The following MYL9 variants were observed in gnomAD, a reference collection of about 807,000 sequenced individuals.
MYL9 encodes myosin light chain 9.
Under a neutral mutation model 12.8 loss-of-function variants are expected in MYL9, and 7 were observed. That is an observed-to-expected ratio of 0.55 (90% CI 0.31 to 1.03). The LOEUF (loss-of-function observed/expected upper bound fraction) is 1.03. MYL9 is among the 50% of genes least tolerant of loss of function. The pLI, the probability that MYL9 is intolerant of heterozygous loss-of-function variation, is 0.05. For synonymous variants in MYL9, 81 were observed against 87.8 expected (o/e 0.92, Z 0.43); for missense variants, 190 against 242.7 (o/e 0.78, Z 1.44).
chr20:36,541,895 G>A (rs1295443462), intron 1 of MYL9, among the ~76,000 whole-genome samples: 1 of 152,156 alleles, frequency 6.6e-6, no homozygotes, highest in Non-Finnish European at 1.5e-5. Flanking sequence ...GGGGGGGGCT[G>A]GGGAGCCCGG....
intron 3 of MYL9, among the ~76,000 whole-genome samples, chr20:36,548,674 C>T (rs1264522545): frequency 1.3e-5 from 2 of 152,168 alleles, no homozygotes; most frequent in Admixed American, 6.5e-5. Flanking sequence ...AACAGGCACA[C>T]GGAGGTTAAG....
In MYL9 at chr20:36,546,570, G is replaced by T. The variant is rs6026734; in HGVS notation, c.185-1462G>T. ...CGCTTCTGGCCAGGCTCGCTTGAAG[G>T]CTCCCTCCCCCAGGAGGTCACCTGG... On this transcript the variant is annotated intron_variant, in intron 2 of 3. Transcript: ENST00000279022. 7.2e-3 allele frequency among the ~76,000 whole-genome samples: 1,094 copies of T among 152,104 alleles called. 14 individuals are homozygous for T. Among genetic ancestry groups the T allele is most frequent in the African/African-American group, 0.025 (1,029 of 41,490 alleles).
At chr20:36,546,421 TTCCTGTGAAATGGG>T (rs2038100788) in intron 2 of MYL9, among the ~76,000 whole-genome samples, 1 of 152,142 alleles carries the variant, frequency 6.6e-6, no homozygotes, top group Non-Finnish European at 1.5e-5. Flanking sequence ...CACTTTCCTC[TTCCTGTGAAATGGG>T]GCCATGACCC....
At chr20:36,546,494 T>G (rs1406308162) in intron 2 of MYL9, among the ~76,000 whole-genome samples, 2 of 152,018 alleles carry the variant, frequency 1.3e-5, no homozygotes, top group African/African-American at 4.8e-5. Context: ...CAAACCTGAG[T>G]GGGAGAACTG....
intron 2 of MYL9, among the ~76,000 whole-genome samples, chr20:36,545,988 C>T (rs1295039186): frequency 2.0e-5 from 3 of 152,220 alleles, no homozygotes; most frequent in Non-Finnish European, 4.4e-5. Flanking sequence ...CTGCCCACTG[C>T]ACAGATGGGG....
At chr20:36,546,800 G>C (rs2038106012) in intron 2 of MYL9, among the ~76,000 whole-genome samples, 2 of 152,296 alleles carry the variant, frequency 1.3e-5, no homozygotes, top group Admixed American at 1.3e-4. Context: ...AGTAGAGACA[G>C]GGTTTCGCCA....
intron 3 of MYL9, 48 bp downstream of exon 3, chr20:36,548,241 CCAGG>C: frequency 6.4e-7 from 1 of 1,553,264 alleles, no homozygotes; most frequent in Non-Finnish European, 8.7e-7. Flanking sequence ...GGAACAGGGC[CCAGG>C]CATTCAGTGC....
chr20:36,546,518 C>T (rs1236984302), intron 2 of MYL9, among the ~76,000 whole-genome samples: 21 of 152,182 alleles, frequency 1.4e-4, no homozygotes, highest in Non-Finnish European at 2.9e-5. Context: ...GCACGCTGCC[C>T]CCGGCCCTGA....
intron 2 of MYL9, among the ~76,000 whole-genome samples, chr20:36,546,511 C>CG (rs1428403846): frequency 2.0e-5 from 3 of 152,192 alleles, no homozygotes; most frequent in Non-Finnish European, 4.4e-5. Flanking sequence ...ACTGACAGCA[C>CG]GCTGCCCCCG....
intron 3 of MYL9, 47 bp from the exon 4 acceptor site, chr20:36,549,030 G>A (rs1302166389): frequency 3.8e-6 from 6 of 1,582,248 alleles, no homozygotes; most frequent in Non-Finnish European, 4.3e-6. Flanking sequence ...TGCTGTGTAT[G>A]TCTCAGCCCA....
At chr20:36,545,144 G>A in intron 2 of MYL9, 76 bp downstream of exon 2, 1 of 1,507,732 alleles carries the variant, frequency 6.6e-7, no homozygotes, top group Non-Finnish European at 9.1e-7. Flanking sequence ...GGCACCTCCT[G>A]TGTAGTGAGA....
Position 36,544,977 on chromosome 20 carries a change from C to T in MYL9, c.93C>T (p.Ile31=). The change falls in exon 2 of 4, where the codon ATC becomes ATT. Residue 31 remains isoleucine, a synonymous_variant. Transcript: ENST00000279022. Reference sequence around the variant, plus strand: ...TCGCAATGTTTGACCAGTCCCAGATCCAGGAGTTTAAGGAGGCTTTCAACA... The same window carrying T: ...TCGCAATGTTTGACCAGTCCCAGATTCAGGAGTTTAAGGAGGCTTTCAACA... ...NVFAMFDQSQ[I]QEFKEAFNMI... is the part of the protein sequence containing the mutation. 1 of 1,613,938 alleles carries T rather than the reference C, an allele frequency of 6.2e-7. No individual in the cohort carries two copies. The highest frequency in any genetic ancestry group is 8.5e-7 in the Non-Finnish European group (1 of 1,180,014).
At chr20:36,547,788 A>G (rs1156849457) in intron 2 of MYL9, among the ~76,000 whole-genome samples, 1 of 152,158 alleles carries the variant, frequency 6.6e-6, no homozygotes, top group African/African-American at 2.4e-5. Context: ...TTCTTATTAC[A>G]CTTTAGTGAG....
In MYL9 at chr20:36,550,492, A is replaced by G. The variant is rs1386677492; in HGVS notation, c.*1243A>G. The G allele has an allele frequency of 6.6e-6, 1 of 152,308 alleles. No individual in the cohort carries two copies. Among genetic ancestry groups the G allele is most frequent in the Non-Finnish European group, 1.5e-5 (1 of 68,220 alleles). The allele number at this position is 152,308 out of a possible 1,614,324, so 9.4% of individuals were successfully genotyped here. A position where few individuals can be genotyped will look rare whatever the true frequency, so the allele number is the denominator to read the frequency against. ...GGGCATGGACTGCCTGGGTCACCCA[A>G]TAGGCCTAGGGAAGAGTGAGGGCCG... On this transcript the variant is annotated 3_prime_UTR_variant, in exon 4 of 4. Coordinates refer to ENST00000279022, the MANE Select transcript of MYL9 (RefSeq NM_006097.5).
chr20:36,548,494 G>GC (rs2038129996), intron 3 of MYL9, among the ~76,000 whole-genome samples: 1 of 152,100 alleles, frequency 6.6e-6, no homozygotes, highest in Non-Finnish European at 1.5e-5. Flanking sequence ...ATAGAAACTG[G>GC]CCCCCCTCCT....
At position 36,547,844 on chromosome 20, in the gene MYL9, A is replaced by G. The variant is rs2038118488; in HGVS notation, c.185-188A>G. On this transcript the variant is annotated intron_variant, in intron 2 of 3. Coordinates refer to ENST00000279022, the MANE Select transcript of MYL9 (RefSeq NM_006097.5). Reference sequence around the variant, plus strand: ...CAGGCCACAGGAGGAAACTGGTGGGAGCAGCCAGGGACTCCGGGCGCCCAC... The same window carrying G: ...CAGGCCACAGGAGGAAACTGGTGGGGGCAGCCAGGGACTCCGGGCGCCCAC... 2.0e-5 allele frequency among the ~76,000 whole-genome samples: 3 copies of G among 152,190 alleles called. No individual in the cohort carries two copies. The South Asian group carries it at 6.2e-4, about 32-fold the overall frequency.
intron 3 of MYL9, 149 bp from the exon 4 acceptor site, chr20:36,548,928 G>A (rs926406775): frequency 1.6e-4 from 128 of 800,548 alleles, no homozygotes; most frequent in African/African-American, 1.2e-3. Flanking sequence ...CTCCTGCCAC[G>A]TCCTCATTCC....
Position 36,549,227 on chromosome 20 carries a change from G to A in MYL9, c.497G>A (p.Gly166Asp). 6.2e-7 allele frequency: 1 copy of A among 1,613,662 alleles called. No homozygotes were observed. The highest frequency in any genetic ancestry group is 8.5e-7 in the Non-Finnish European group (1 of 1,179,872). ...GAGTTCACCCGCATCCTCAAACATG[G>A]CGCCAAGGATAAAGACGACTAGGCC... is the stretch of plus-strand genomic sequence containing the variant. ...YVEFTRILKH[G>D]AKDKDD Residue 166 changes from glycine to aspartate, a missense_variant, in exon 4 of 4, where the codon GGC (glycine) becomes GAC (aspartate). Transcript: ENST00000279022.
intron 2 of MYL9, among the ~76,000 whole-genome samples, chr20:36,545,801 C>T (rs1247216193): frequency 2.0e-5 from 3 of 151,046 alleles, no homozygotes; most frequent in Non-Finnish European, 4.4e-5. Context: ...TGGTGGCGGG[C>T]GCCAGCTACT....
Sources: allele counts gnomAD v4.1 joint callset (sites outside exome capture counted in the v4.1 genomes callset), GRCh38; gene constraint gnomAD v4.1.1; transcripts MANE v1.5; gene names NCBI Gene and HGNC (gene_info 2026-07-23, HGNC 2026-07-21).